The following TXLNB variants were observed in gnomAD, a reference collection of about 807,000 sequenced individuals.
TXLNB encodes the protein beta-taxilin.
A neutral mutation model predicts 57.4 loss-of-function variants in TXLNB; 37 were observed. The observed-to-expected ratio is 0.64, with a 90% CI of 0.50 to 0.85. The LOEUF is 0.85. TXLNB is among the 40% of genes least tolerant of loss of function. The pLI, the probability that TXLNB is intolerant of heterozygous loss-of-function variation, is 0.00. For synonymous variants in TXLNB, 302 were observed against 309.6 expected (o/e 0.98, Z 0.26); for missense variants, 848 against 825.6 (o/e 1.03, Z -0.33).
At chr6:139,264,109 C>A (rs1415990551) in intron 4 of TXLNB, among the ~76,000 whole-genome samples, 1 of 152,194 alleles carries the variant, frequency 6.6e-6, no homozygotes, top group African/African-American at 2.4e-5. Context: ...TAAGCAACAA[C>A]TTCTCAGGGG....
At chr6:139,225,136 T>C in the TXLNB span, among the ~76,000 whole-genome samples, 1 of 152,198 alleles carries the variant, frequency 6.6e-6, no homozygotes, top group African/African-American at 2.4e-5. Context: ...CACACCTATT[T>C]ATGACAAACA....
the TXLNB span, among the ~76,000 whole-genome samples, chr6:139,187,578 G>A: frequency 6.6e-6 from 1 of 151,364 alleles, no homozygotes; most frequent in African/African-American, 2.4e-5. Context: ...TTACATCATT[G>A]CAATGGCAAA....
At chr6:139,305,168 C>A in the TXLNB span, among the ~76,000 whole-genome samples, 11 of 152,276 alleles carry the variant, frequency 7.2e-5, no homozygotes, top group African/African-American at 2.6e-4. Context: ...TCTCCTTGTT[C>A]ATAACTCTCC....
chr6:139,294,558 G>C (rs1437121297), upstream of TXLNB, among the ~76,000 whole-genome samples: 1 of 152,042 alleles, frequency 6.6e-6, no homozygotes, highest in Non-Finnish European at 1.5e-5. Context: ...TCATAAAAAA[G>C]GTCTGAAAGA....
At chr6:139,207,538 G>A in the TXLNB span, among the ~76,000 whole-genome samples, 10 of 152,162 alleles carry the variant, frequency 6.6e-5, no homozygotes, top group Middle Eastern at 3.2e-3. Context: ...GTCTGAAAGA[G>A]CGCAAATAGA....
At chr6:139,229,792 G>A in the TXLNB span, among the ~76,000 whole-genome samples, 2 of 152,166 alleles carry the variant, frequency 1.3e-5, no homozygotes, top group Non-Finnish European at 2.9e-5. Flanking sequence ...GGACTGCTGT[G>A]CATGGTGACA....
chr6:139,214,827 C>A, the TXLNB span, among the ~76,000 whole-genome samples: 14 of 152,158 alleles, frequency 9.2e-5, no homozygotes, highest in Non-Finnish European at 1.8e-4. Flanking sequence ...TTCTTATACA[C>A]CAATAACAGA....
the TXLNB span, among the ~76,000 whole-genome samples, chr6:139,195,141 T>A: frequency 2.0e-5 from 3 of 152,292 alleles, no homozygotes; most frequent in South Asian, 2.1e-4. Context: ...GTTTCTTAGT[T>A]CATGGCCCCT....
the TXLNB span, among the ~76,000 whole-genome samples, chr6:139,184,220 T>C: frequency 6.6e-6 from 1 of 152,198 alleles, no homozygotes; most frequent in African/African-American, 2.4e-5. Flanking sequence ...GAGAGGAGCC[T>C]TGTGGGTGTG....
intron 9 of TXLNB, among the ~76,000 whole-genome samples, chr6:139,244,321 C>G (rs1300203960): frequency 6.6e-6 from 1 of 152,120 alleles, no homozygotes; most frequent in African/African-American, 2.4e-5. Flanking sequence ...ATTCACAGCC[C>G]TTAAAGGGGA....
intron 3 of TXLNB, among the ~76,000 whole-genome samples, chr6:139,274,839 C>T (rs1419599386): frequency 6.6e-6 from 1 of 151,930 alleles, no homozygotes; most frequent in Non-Finnish European, 1.5e-5. Flanking sequence ...GTTGGTAAAT[C>T]GAAGGGGTAA....
At chr6:139,209,025 G>C in the TXLNB span, among the ~76,000 whole-genome samples, 17 of 152,108 alleles carry the variant, frequency 1.1e-4, no homozygotes, top group African/African-American at 3.9e-4. Flanking sequence ...TGACATGATC[G>C]TATATCTAGA....
rs1776731686 is a variant in TXLNB, at chr6:139,270,490, C to G, written c.653G>C (p.Cys218Ser). ...CTTGTTGTGTCTCTGCAGCTCCCGGCACAGACTCTCCAATTTGCTTCGAGC... is the reference window on the plus strand; with the variant it reads ...CTTGTTGTGTCTCTGCAGCTCCCGGGACAGACTCTCCAATTTGCTTCGAGC... ...ILARSKLESL[C>S]RELQRHNKTL... The change falls in exon 4 of 10, where the codon TGC becomes TCC. Residue 218 changes from cysteine (C) to serine (S), a missense_variant. Cys to Ser is a moderately radical substitution (Grantham distance 112). Coordinates refer to ENST00000358430, the MANE Select transcript of TXLNB (RefSeq NM_153235.4). 1 of 1,614,054 alleles carries G rather than the reference C, an allele frequency of 6.2e-7. No homozygotes were observed. The highest frequency in any genetic ancestry group is 8.5e-7 in the Non-Finnish European group (1 of 1,180,022).
chr6:139,166,378 C>A, the TXLNB span: 1 of 1,614,234 alleles, frequency 6.2e-7, no homozygotes, highest in East Asian at 2.2e-5. Context: ...ACAACGAGCA[C>A]TGCCCCTGCA....
the TXLNB span, among the ~76,000 whole-genome samples, chr6:139,318,019 C>T: frequency 6.6e-6 from 1 of 150,984 alleles, no homozygotes; most frequent in African/African-American, 2.4e-5. Context: ...GCCTGTAATC[C>T]CACACTTTGG....
chr6:139,265,786 T>C (rs1417943308), intron 4 of TXLNB, among the ~76,000 whole-genome samples: 1 of 152,184 alleles, frequency 6.6e-6, no homozygotes. Flanking sequence ...GCTTTTAGCT[T>C]GAGGGAAATC....
upstream of TXLNB, among the ~76,000 whole-genome samples, chr6:139,293,648 T>C (rs537312950): frequency 6.6e-6 from 1 of 152,202 alleles, no homozygotes; most frequent in East Asian, 1.9e-4. Context: ...TGTGATAAGA[T>C]GTTATGGCAA....
chr6:139,161,901 A>G, the TXLNB span, among the ~76,000 whole-genome samples: 18 of 152,370 alleles, frequency 1.2e-4, no homozygotes, highest in African/African-American at 3.6e-4. Flanking sequence ...GTCACAGCCC[A>G]GGTGACTGGT....
the TXLNB span, among the ~76,000 whole-genome samples, chr6:139,182,795 A>G: frequency 3.3e-5 from 5 of 152,328 alleles, no homozygotes; most frequent in East Asian, 7.7e-4. Context: ...TCTACCTGGC[A>G]TTGCTAAGCC....
Sources: allele counts gnomAD v4.1 joint callset (sites outside exome capture counted in the v4.1 genomes callset), GRCh38; gene constraint gnomAD v4.1.1; transcripts MANE v1.5; gene names NCBI Gene and HGNC (gene_info 2026-07-23, HGNC 2026-07-21).